Variants in GALNT13 observed in about 807,000 individuals in gnomAD.
GALNT13 encodes UDP-GalNAc:polypeptide N-acetylgalactosaminyltransferase 13.
A neutral mutation model predicts 64.2 loss-of-function variants in GALNT13; 28 were observed. The observed-to-expected ratio is 0.44, with a 90% CI of 0.32 to 0.60. GALNT13 has a LOEUF of 0.60. Among genes scored for constraint, GALNT13 ranks in the 20% least tolerant of loss-of-function variants. The pLI, the probability that GALNT13 is intolerant of heterozygous loss-of-function variation, is 0.05. For missense variants in GALNT13, 577 were observed against 669.8 expected (o/e 0.86, Z 1.53); for synonymous variants, 214 against 224.6 (o/e 0.95, Z 0.42).
chr2:154,107,078 T>G (rs1236789566), intron 3 of GALNT13, among the ~76,000 whole-genome samples: 1 of 152,162 alleles, frequency 6.6e-6, no homozygotes, highest in Non-Finnish European at 1.5e-5. Flanking sequence ...ATGTGACCTT[T>G]GCACATGTCT....
the GALNT13 span, among the ~76,000 whole-genome samples, chr2:153,083,576 T>C: frequency 6.6e-6 from 1 of 152,202 alleles, no homozygotes; most frequent in Non-Finnish European, 1.5e-5. Context: ...TTGCCCACTT[T>C]TGATGGTATT....
At chr2:153,497,832 C>T in the GALNT13 span, among the ~76,000 whole-genome samples, 1 of 152,138 alleles carries the variant, frequency 6.6e-6, no homozygotes, top group African/African-American at 2.4e-5. Context: ...GCCACTGCAC[C>T]TGGCCATGTT....
the GALNT13 span, among the ~76,000 whole-genome samples, chr2:153,727,476 G>C: frequency 2.0e-5 from 3 of 152,074 alleles, no homozygotes; most frequent in African/African-American, 4.8e-5. Flanking sequence ...TGTTAGAATT[G>C]GAATGAAGTA....
the GALNT13 span, among the ~76,000 whole-genome samples, chr2:153,765,124 A>T: frequency 6.6e-6 from 1 of 152,200 alleles, no homozygotes. Context: ...GCCCCCACAC[A>T]GGGTCCCCAT....
chr2:153,963,281 A>T (rs1042896978), intron 3 of GALNT13, among the ~76,000 whole-genome samples: 6 of 152,210 alleles, frequency 3.9e-5, no homozygotes, highest in African/African-American at 1.4e-4. Flanking sequence ...AAACATTTAG[A>T]CCATAGCATA....
chr2:153,955,806 C>G (rs962477263), intron 3 of GALNT13, among the ~76,000 whole-genome samples: 1 of 152,156 alleles, frequency 6.6e-6, no homozygotes, highest in Non-Finnish European at 1.5e-5. Flanking sequence ...GGAGTGCTTG[C>G]CAACCTCCAC....
the GALNT13 span, among the ~76,000 whole-genome samples, chr2:153,202,601 G>T: frequency 6.6e-6 from 1 of 152,102 alleles, no homozygotes; most frequent in East Asian, 1.9e-4. Context: ...GAGAATGAGG[G>T]CAATTTGGCT....
chr2:154,153,684 AC>A (rs1684211960), intron 4 of GALNT13, among the ~76,000 whole-genome samples: 1 of 152,140 alleles, frequency 6.6e-6, no homozygotes. Flanking sequence ...TTGATCTCAG[AC>A]TGCTGTGCTA....
rs554824609 is a variant in GALNT13, at chr2:154,341,964, A to G, written c.1156+40375A>G. ...ACAGATATGTGTTGTAAAACAAAAC[A>G]TTTAAATATGACTCAAAGTTTTGAG... On this transcript the variant is annotated intron_variant, in intron 9 of 12. Transcript: ENST00000392825. 1.9e-4 allele frequency among the ~76,000 whole-genome samples: 29 copies of G among 152,244 alleles called. No homozygotes were observed. In the South Asian group the frequency reaches 6.0e-3, roughly 32 times the overall value.
chr2:154,294,958 G>T (rs558051567), intron 8 of GALNT13, among the ~76,000 whole-genome samples: 2 of 152,156 alleles, frequency 1.3e-5, no homozygotes, highest in East Asian at 3.9e-4. Flanking sequence ...TCCTGGCTAC[G>T]GCAGTTTTTT....
chr2:153,113,497 G>T, the GALNT13 span, among the ~76,000 whole-genome samples: 3 of 151,952 alleles, frequency 2.0e-5, no homozygotes, highest in African/African-American at 7.3e-5. Context: ...ACAACCTGGA[G>T]TTTCATATGT....
At chr2:153,272,034 T>C in the GALNT13 span, among the ~76,000 whole-genome samples, 1 of 152,154 alleles carries the variant, frequency 6.6e-6, no homozygotes, top group Admixed American at 6.5e-5. Flanking sequence ...CCCTATTTAA[T>C]AAATGGTGCT....
intron 3 of GALNT13, among the ~76,000 whole-genome samples, chr2:153,948,164 C>T (rs972815681): frequency 6.6e-6 from 1 of 150,890 alleles, no homozygotes; most frequent in Admixed American, 6.6e-5. Flanking sequence ...GACTTTTGGG[C>T]TTTTTTTGGT....
the GALNT13 span, among the ~76,000 whole-genome samples, chr2:153,403,072 G>A: frequency 6.6e-6 from 1 of 151,416 alleles, no homozygotes; most frequent in African/African-American, 2.4e-5. Flanking sequence ...TCTACTTTTG[G>A]TCTTTGATGA....
At chr2:153,616,854 T>G in the GALNT13 span, among the ~76,000 whole-genome samples, 1 of 152,024 alleles carries the variant, frequency 6.6e-6, no homozygotes, top group Admixed American at 6.6e-5. Context: ...AATATAACTC[T>G]ATATCATCTA....
chr2:153,578,067 T>G, the GALNT13 span, among the ~76,000 whole-genome samples: 1 of 152,234 alleles, frequency 6.6e-6, no homozygotes, highest in South Asian at 2.1e-4. Flanking sequence ...AGAATCTTTT[T>G]TAATGTCTTA....
chr2:154,225,160 T>TGACAGATAGATA (rs1688541581), intron 4 of GALNT13, among the ~76,000 whole-genome samples: 1 of 137,906 alleles, frequency 7.3e-6, no homozygotes. Context: ...GATAGATAGA[T>TGACAGATAGATA]GATAGATAGA....
the GALNT13 span, among the ~76,000 whole-genome samples, chr2:153,103,955 A>G: frequency 1.3e-5 from 2 of 152,268 alleles, no homozygotes; most frequent in East Asian, 3.9e-4. Flanking sequence ...ATGATACATT[A>G]TATTCTTCTT....
At chr2:153,926,230 A>T (rs1358573412) in intron 2 of GALNT13, 1 of 152,096 alleles carries the variant, frequency 6.6e-6, no homozygotes, top group Non-Finnish European at 1.5e-5. Flanking sequence ...TCAATATATT[A>T]AAATTTATTT....
Sources: gnomAD v4.1 joint callset for allele counts (sites outside exome capture counted in the v4.1 genomes callset) on GRCh38, gnomAD v4.1.1 for gene constraint, MANE v1.5 for transcripts, NCBI Gene and HGNC (gene_info 2026-07-23, HGNC 2026-07-21) for gene names.